Variants in BRD4 observed in about 807,000 individuals in gnomAD.
BRD4 encodes the protein bromodomain containing 4, also known as bromodomain-containing protein 4.
Under a neutral mutation model 142.1 loss-of-function variants are expected in BRD4, and 16 were observed. That is an observed-to-expected ratio of 0.11 (90% CI 0.08 to 0.17). The LOEUF is 0.17. Among genes scored for constraint, BRD4 ranks in the 10% least tolerant of loss-of-function variants. The pLI is 1.00. For synonymous variants in BRD4, 833 were observed against 707.5 expected (o/e 1.18, Z -2.82); for missense variants, 1,424 against 1,810.9 (o/e 0.79, Z 3.88).
In BRD4 at chr19:15,239,168, C is replaced by T. The variant is rs745807590; in HGVS notation, c.3673G>A (p.Glu1225Lys). 7 of 1,612,926 alleles carry T rather than the reference C, an allele frequency of 4.3e-6. No homozygotes were observed. Among genetic ancestry groups the T allele is most frequent in the African/African-American group, 1.3e-5 (1 of 75,052 alleles). Reference sequence around the variant, plus strand: ...TCCCGAGCGGCGCGGCGGAACTGCTCGAAGCTGTCGCTGGATGACTTGGCT... The same window carrying T: ...TCCCGAGCGGCGCGGCGGAACTGCTTGAAGCTGTCGCTGGATGACTTGGCT... ...STAKSSSDSF[E>K]QFRRAAREKE... The change falls in exon 18 of 20, where the codon GAG becomes AAG. Residue 1225 changes from glutamate (E) to lysine (K), a missense_variant. Around this residue, in one of 16 missense-constraint regions of BRD4, gnomAD observed 49 missense variants for 97.3 expected, o/e 0.50. Transcript: ENST00000679869. This position sits in a 1 kb window ranked among gnomAD's most constrained non-coding sequence, Gnocchi z 7.4.
intron 1 of BRD4, among the ~76,000 whole-genome samples, chr19:15,327,277 G>C (rs554570596): frequency 6.6e-6 from 1 of 152,126 alleles, no homozygotes; most frequent in Non-Finnish European, 1.5e-5. Flanking sequence ...GGTGGCTCAC[G>C]CCTGTAATCC....
rs200445210 is a variant in BRD4 at position 15,254,144 on chromosome 19, C to T, written c.2158+8G>A. 3 of 1,611,370 alleles carry T rather than the reference C, an allele frequency of 1.9e-6. No homozygotes were observed. The highest frequency in any genetic ancestry group is 2.7e-5 in the African/African-American group (2 of 74,900). ...TTGGTAAGACACGTAGAACACAAGTCACCTAACCTGTTTCGGAGTCTTCGC... is the reference window on the plus strand; with the variant it reads ...TTGGTAAGACACGTAGAACACAAGTTACCTAACCTGTTTCGGAGTCTTCGC... On this transcript the variant is annotated splice_region_variant and intron_variant, in intron 11 of 19. Coordinates refer to ENST00000679869, the MANE Select transcript of BRD4 (RefSeq NM_001379291.1).
At chr19:15,294,442 T>C (rs1337279495) in intron 1 of BRD4, among the ~76,000 whole-genome samples, 1 of 152,268 alleles carries the variant, frequency 6.6e-6, no homozygotes, top group East Asian at 1.9e-4. Context: ...AGAGGAATGT[T>C]GGTATGTGAT....
intron 8 of BRD4, among the ~76,000 whole-genome samples, chr19:15,256,763 G>A (rs960977352): frequency 8.6e-5 from 13 of 152,038 alleles, no homozygotes; most frequent in Non-Finnish European, 1.5e-4. Context: ...ATCCCCAACC[G>A]CAAGCTCAAC....
chr19:15,290,845 G>A (rs1025849471), intron 1 of BRD4, among the ~76,000 whole-genome samples: 3 of 152,026 alleles, frequency 2.0e-5, no homozygotes, highest in Non-Finnish European at 4.4e-5. Flanking sequence ...TATCTCTAGG[G>A]GATGATATAC....
intron 1 of BRD4, among the ~76,000 whole-genome samples, chr19:15,308,969 T>G (rs1177398549): frequency 1.3e-5 from 2 of 150,716 alleles, no homozygotes; most frequent in Non-Finnish European, 3.0e-5. Flanking sequence ...GAGCCAAGAT[T>G]GCACCACTGC....
Position 15,272,805 on chromosome 19 carries a change from C to T in BRD4, c.285+10G>A, listed in dbSNP as rs1027052975. Reference sequence around the variant, plus strand: ...GGACGGCCACCCTGGGCCCTGCCCACACTACTCACAGGGAGGTTCAGCTTG... The same window carrying T: ...GGACGGCCACCCTGGGCCCTGCCCATACTACTCACAGGGAGGTTCAGCTTG... On this transcript the variant is annotated intron_variant, in intron 2 of 19. Coordinates refer to ENST00000679869, the MANE Select transcript of BRD4 (RefSeq NM_001379291.1). 3 of 1,610,736 alleles carry T rather than the reference C, an allele frequency of 1.9e-6. No individual in the cohort carries two copies. The South Asian group carries it at 3.3e-5, about 18-fold the overall frequency.
intron 11 of BRD4, chr19:15,252,887 C>T (rs1274074281): frequency 5.6e-6 from 1 of 178,710 alleles, no homozygotes; most frequent in Non-Finnish European, 1.2e-5. Context: ...CCACCTACCC[C>T]CACCCCATCT....
At chr19:15,253,752 TG>T (rs1352217816) in intron 11 of BRD4, 1 of 1,598,240 alleles carries the variant, frequency 6.3e-7, no homozygotes, top group African/African-American at 1.3e-5. Context: ...GGGAAGGCCC[TG>T]GGGACACGAA....
At chr19:15,259,408 G>T (rs2047445761) in intron 7 of BRD4, among the ~76,000 whole-genome samples, 1 of 152,208 alleles carries the variant, frequency 6.6e-6, no homozygotes, top group East Asian at 1.9e-4. Context: ...GTAAATGCTG[G>T]GGTGGGGGTG....
chr19:15,265,494 G>C lies in BRD4; in HGVS notation c.709C>G (p.Pro237Ala). Residue 237 changes from proline to alanine, a missense_variant, in exon 5 of 20, where the codon CCT (proline) becomes GCT (alanine). Around this residue, in one of 16 missense-constraint regions of BRD4, gnomAD observed 140 missense variants for 131.7 expected, o/e 1.06. Transcript: ENST00000679869. ...AVTPDLIVQT[P>A]VMTVVPPQPL... ...TGGGGAGGCACCACTGTCATGACAG[G>C]GGTCTGGACGATGAGGTCCGGGGTG... is the stretch of plus-strand genomic sequence containing the variant. The C allele has an allele frequency of 1.2e-6, 2 of 1,612,482 alleles. No homozygotes were observed. The highest frequency in any genetic ancestry group is 1.7e-6 in the Non-Finnish European group (2 of 1,179,106).
At chr19:15,296,804 A>G (rs1568402293) in intron 1 of BRD4, among the ~76,000 whole-genome samples, 1 of 152,194 alleles carries the variant, frequency 6.6e-6, no homozygotes, top group East Asian at 1.9e-4. Flanking sequence ...AATTCCCTTA[A>G]CAAAGGAGTT....
chr19:15,326,034 A>G (rs1599533997), intron 1 of BRD4, among the ~76,000 whole-genome samples: 4 of 151,072 alleles, frequency 2.6e-5, no homozygotes, highest in Admixed American at 2.0e-4. Flanking sequence ...AAAGAAAAAG[A>G]AAACTTGGAA....
In BRD4 at chr19:15,264,831, G is replaced by C; in HGVS notation, c.850-65C>G. 4 of 1,543,982 alleles carry C rather than the reference G, an allele frequency of 2.6e-6. No homozygotes were observed. In the South Asian group the frequency reaches 3.8e-5, roughly 15 times the overall value. On this transcript the variant is annotated intron_variant, in intron 5 of 19. Transcript: ENST00000679869. ...GGCAGCCGGCACAGCTGCCCTCAGG[G>C]TCACCCCCAAAGCCAGGCCCTGTCT...
At chr19:15,289,589 T>C (rs2047765661) in intron 1 of BRD4, among the ~76,000 whole-genome samples, 1 of 149,536 alleles carries the variant, frequency 6.7e-6, no homozygotes, top group South Asian at 2.1e-4. Flanking sequence ...AATCAGAAAA[T>C]AGATGGGTAT....
chr19:15,258,411 G>C (rs1245686238), intron 7 of BRD4, among the ~76,000 whole-genome samples: 1 of 152,156 alleles, frequency 6.6e-6, no homozygotes, highest in East Asian at 1.9e-4. Flanking sequence ...TGTCTCCCAA[G>C]TAGCTGGAAT....
intron 1 of BRD4, among the ~76,000 whole-genome samples, chr19:15,278,445 G>C (rs1237640481): frequency 1.4e-5 from 2 of 147,354 alleles, no homozygotes; most frequent in Non-Finnish European, 3.0e-5. Flanking sequence ...TGAGACAGGA[G>C]AATCACTTGA....
At position 15,237,490 on chromosome 19, in the gene BRD4, T is replaced by C. The variant is rs544892393; in HGVS notation, c.*887A>G. The C allele has an allele frequency of 4.4e-6, 1 of 225,960 alleles. No individual in the cohort carries two copies. The highest frequency in any genetic ancestry group is 2.2e-5 in the African/African-American group (1 of 44,884). The allele number at this position is 225,960 out of a possible 1,614,324, so 14.0% of individuals were successfully genotyped here. A position where few individuals can be genotyped will look rare whatever the true frequency, so the allele number is the denominator to read the frequency against. ...ATACAGTACAGCCACGGTCACACAC[T>C]ACCCACAGCGCGGTGGCAGCCGCTG... is the stretch of plus-strand genomic sequence containing the variant. On this transcript the variant is annotated 3_prime_UTR_variant, in exon 20 of 20. Transcript: ENST00000679869.
At chr19:15,278,047 A>C (rs1177409055) in intron 1 of BRD4, among the ~76,000 whole-genome samples, 1 of 131,622 alleles carries the variant, frequency 7.6e-6, no homozygotes, top group Non-Finnish European at 1.6e-5. Context: ...TGGAGCCTGC[A>C]GTGAGCCAAG....
Sources: gnomAD v4.1 joint callset for allele counts (sites outside exome capture counted in the v4.1 genomes callset) on GRCh38, gnomAD v4.1.1 for gene constraint, gnomAD v4.1.1 regional missense constraint, Gnocchi (gnomAD v3.1) non-coding constraint, MANE v1.5 for transcripts, NCBI Gene and HGNC (gene_info 2026-07-23, HGNC 2026-07-21) for gene names.